The following SFSWAP variants were observed in gnomAD, a reference collection of about 807,000 sequenced individuals.
The protein encoded by SFSWAP is splicing factor, suppressor of white-apricot homolog.
In SFSWAP, 17 loss-of-function variants were observed where a neutral mutation model predicts 100.7. The observed-to-expected ratio is 0.17, with a 90% confidence interval of 0.12 to 0.25. SFSWAP has a LOEUF of 0.25. Among genes scored for constraint, SFSWAP ranks in the 10% least tolerant of loss-of-function variants. The pLI, the probability that SFSWAP is intolerant of heterozygous loss-of-function variation, is 1.00. For synonymous variants in SFSWAP, 504 were observed against 510.1 expected (o/e 0.99, Z 0.16); for missense variants, 1,005 against 1,262.6 (o/e 0.80, Z 3.09).
chr12:131,763,842 T>C (rs1327602259), intron 11 of SFSWAP, among the ~76,000 whole-genome samples: 2 of 149,242 alleles, frequency 1.3e-5, no homozygotes, highest in African/African-American at 5.0e-5. Context: ...TAAAGAAAAA[T>C]GAGGCCGGGC....
At chr12:131,768,850 G>A (rs1027079331) in intron 13 of SFSWAP, among the ~76,000 whole-genome samples, 1 of 152,190 alleles carries the variant, frequency 6.6e-6, no homozygotes, top group Non-Finnish European at 1.5e-5. Flanking sequence ...TTGGCTGGAC[G>A]TGGTGGCTCA....
intron 11 of SFSWAP, 192 bp downstream of exon 11, chr12:131,756,836 C>T (rs950906367): frequency 1.9e-5 from 11 of 581,060 alleles, no homozygotes; most frequent in African/African-American, 3.7e-5. Context: ...TTGGAGGTAA[C>T]GTGAGTGTGA....
chr12:131,764,922 CTG>C (rs1346697391), intron 12 of SFSWAP, among the ~76,000 whole-genome samples: 1 of 152,236 alleles, frequency 6.6e-6, no homozygotes, highest in Non-Finnish European at 1.5e-5. Flanking sequence ...TTCGAAGAAA[CTG>C]AGTTGGCCGT....
chr12:131,799,080 G>A lies in SFSWAP; in HGVS notation c.2761G>A (p.Val921Ile), dbSNP rs1593204153. ...AGAAGCCCAGATCTCTTCAGCAATCGTTTCTTCCGTGCAGAGCAAAATCAC... is the reference window on the plus strand; with the variant it reads ...AGAAGCCCAGATCTCTTCAGCAATCATTTCTTCCGTGCAGAGCAAAATCAC... ...EKEAQISSAIVSSVQSKITQD... is the reference protein window; with the variant it reads ...EKEAQISSAIISSVQSKITQD... Residue 921 changes from valine to isoleucine, a missense_variant, in exon 17 of 18, where the codon GTT becomes ATT. Val to Ile is a conservative substitution (Grantham distance 29). This residue lies in a region of SFSWAP where 295 missense variants were observed against 347.9 expected (regional missense o/e 0.85). Coordinates refer to ENST00000261674, the MANE Select transcript of SFSWAP (RefSeq NM_004592.4). 2 of 1,614,116 alleles carry A rather than the reference G, an allele frequency of 1.2e-6. No individual in the cohort carries two copies. Among genetic ancestry groups the A allele is most frequent in the South Asian group, 1.1e-5 (1 of 91,084 alleles).
rs766520889 is a variant in SFSWAP, at chr12:131,725,390, T to C, written c.607-15T>C. The stretch of plus-strand genomic sequence containing the variant: ...AGGACAAATGGGTGACGTGAATATG[T>C]GTGTTTTCCCGTAGCCACCAACCGC... On this transcript the variant is annotated splice_polypyrimidine_tract_variant and intron_variant, in intron 4 of 17. Coordinates refer to ENST00000261674, the MANE Select transcript of SFSWAP (RefSeq NM_004592.4). The surrounding 1 kb of genome is among the most constrained non-coding windows in gnomAD (Gnocchi z 4.3). The C allele has an allele frequency of 1.3e-6, 2 of 1,514,772 alleles. No individual in the cohort carries two copies. Among genetic ancestry groups the C allele is most frequent in the Non-Finnish European group, 8.9e-7 (1 of 1,124,328 alleles). The allele number at this position is 1,514,772 out of a possible 1,614,324, so 93.8% of individuals were successfully genotyped here.
At chr12:131,772,303 G>A (rs1057515087) in intron 13 of SFSWAP, among the ~76,000 whole-genome samples, 5 of 152,158 alleles carry the variant, frequency 3.3e-5, no homozygotes, top group Non-Finnish European at 4.4e-5. Context: ...CCCGTTGATC[G>A]TTAGGAAAGG....
intron 15 of SFSWAP, among the ~76,000 whole-genome samples, chr12:131,790,320 A>G (rs2136275769): frequency 6.6e-6 from 1 of 152,306 alleles, no homozygotes; most frequent in East Asian, 1.9e-4. Context: ...AAGATGTTCC[A>G]GGTTTACTGG....
chr12:131,726,072 A>G (rs1878936350), intron 5 of SFSWAP, among the ~76,000 whole-genome samples: 1 of 152,182 alleles, frequency 6.6e-6, no homozygotes, highest in African/African-American at 2.4e-5. Context: ...TATTATTTTT[A>G]TAACAGTGTC....
At chr12:131,721,522 G>A (rs1878475662) in intron 4 of SFSWAP, among the ~76,000 whole-genome samples, 2 of 152,256 alleles carry the variant, frequency 1.3e-5, no homozygotes, top group African/African-American at 4.8e-5. Flanking sequence ...AATGCTAAGT[G>A]CTCCATCTCT....
In SFSWAP at chr12:131,756,387, T is replaced by G. The variant is rs1882159027; in HGVS notation, c.1549-86T>G. The G allele has an allele frequency of 5.1e-6, 6 of 1,182,194 alleles. No individual in the cohort carries two copies. The African/African-American group carries it at 9.8e-5, about 19-fold the overall frequency. 73.2% of individuals were successfully genotyped at this position (1,182,194 alleles called of 1,614,324 possible). Reference sequence around the variant, plus strand: ...GTAATGTACAATTGCCGTTGTCCAGTGAAACATATACCGTATACATCTCTC... The same window carrying G: ...GTAATGTACAATTGCCGTTGTCCAGGGAAACATATACCGTATACATCTCTC... On this transcript the variant is annotated intron_variant, in intron 10 of 17. Transcript: ENST00000261674.
In SFSWAP at chr12:131,769,752, G is replaced by A. The variant is rs905445715; in HGVS notation, c.2142+3444G>A. Among the ~76,000 whole-genome samples, 7 of 152,072 alleles carry A rather than the reference G, an allele frequency of 4.6e-5. No individual in the cohort carries two copies. In the East Asian group the frequency reaches 7.7e-4, roughly 17 times the overall value. ...CACCATTCTCCTGCCTCAGCCTCCC[G>A]AGTAGCTGGGACTACAGGCACCCGC... On this transcript the variant is annotated intron_variant, in intron 13 of 17. Transcript: ENST00000261674.
At chr12:131,751,599 TC>T (rs528856730) in intron 7 of SFSWAP, among the ~76,000 whole-genome samples, 377 of 152,324 alleles carry the variant, frequency 2.5e-3, no homozygotes, top group South Asian at 4.6e-3. Flanking sequence ...AAGCAGCAGC[TC>T]CCCCCTTCCA....
In SFSWAP at chr12:131,725,775, G is replaced by A; in HGVS notation, c.832+145G>A. ...AGACTCGAATTTCTAGAATGTGTCTGAAATCCTGCAGCTAAGGCGTGATCG... is the reference window on the plus strand; with the variant it reads ...AGACTCGAATTTCTAGAATGTGTCTAAAATCCTGCAGCTAAGGCGTGATCG... On this transcript the variant is annotated intron_variant, in intron 5 of 17. Transcript: ENST00000261674. This position sits in a 1 kb window ranked among gnomAD's most constrained non-coding sequence, Gnocchi z 4.3. The A allele has an allele frequency of 1.1e-5, 7 of 653,718 alleles. No homozygotes were observed. In the South Asian group the frequency reaches 1.3e-4, roughly 12 times the overall value. 40.5% of individuals were successfully genotyped at this position (653,718 alleles called of 1,614,324 possible).
At position 131,753,325 on chromosome 12, in the gene SFSWAP, G is replaced by A. The variant is rs779797222; in HGVS notation, c.1284G>A (p.Glu428=). The change falls in exon 8 of 18, where the codon GAG becomes GAA. Residue 428 remains glutamate (E), a synonymous_variant. Transcript: ENST00000261674. ...TTPLPPPTTA[E]TSSGATSTTT... ...CACTACCGCCCCCAACCACAGCAGAGACTAGCAGCGGGGCCACCTCCACAA... is the reference window on the plus strand; with the variant it reads ...CACTACCGCCCCCAACCACAGCAGAAACTAGCAGCGGGGCCACCTCCACAA... 8.7e-6 allele frequency: 14 copies of A among 1,612,518 alleles called. No homozygotes were observed. Among genetic ancestry groups the A allele is most frequent in the Non-Finnish European group, 1.2e-5 (14 of 1,178,598 alleles).
At chr12:131,768,794 T>C (rs918014564) in intron 13 of SFSWAP, among the ~76,000 whole-genome samples, 4 of 152,212 alleles carry the variant, frequency 2.6e-5, no homozygotes, top group Non-Finnish European at 5.9e-5. Context: ...TTCAGCCAGT[T>C]ATGGCCGAAG....
At chr12:131,739,750 A>G (rs1013724882) in intron 7 of SFSWAP, among the ~76,000 whole-genome samples, 6 of 151,762 alleles carry the variant, frequency 4.0e-5, no homozygotes, top group Non-Finnish European at 7.4e-5. Context: ...TCACTGTACT[A>G]GCCAGGATGG....
intron 13 of SFSWAP, among the ~76,000 whole-genome samples, chr12:131,766,573 A>C (rs1461786642): frequency 6.6e-6 from 1 of 152,200 alleles, no homozygotes; most frequent in Non-Finnish European, 1.5e-5. Context: ...GGCTGCCCTT[A>C]TGGGGCTGGC....
Position 131,727,032 on chromosome 12 carries a change from C to T in SFSWAP, c.925C>T (p.Arg309Cys), listed in dbSNP as rs764935864. The T allele has an allele frequency of 5.7e-6, 9 of 1,590,774 alleles. No individual in the cohort carries two copies. In the South Asian group the frequency reaches 6.8e-5, roughly 12 times the overall value. ...PSLFASKKCN[R>C]LEELMKPLKV... ...TCTCTTTGCCTCCAAGAAGTGTAACCGCCTTGAAGAGCTGATGAAGGTTTT... is the reference window on the plus strand; with the variant it reads ...TCTCTTTGCCTCCAAGAAGTGTAACTGCCTTGAAGAGCTGATGAAGGTTTT... The change falls in exon 6 of 18, where the codon CGC becomes TGC. Residue 309 changes from arginine (R) to cysteine (C), a missense_variant. Arg to Cys is a radical substitution (Grantham distance 180). Around this residue, in one of 7 missense-constraint regions of SFSWAP, gnomAD observed 22 missense variants for 52.6 expected, o/e 0.42. Transcript: ENST00000261674.
Position 131,714,936 on chromosome 12 carries a change from A to G in SFSWAP, c.503A>G (p.Glu168Gly), listed in dbSNP as rs1035867505. 1 of 1,613,896 alleles carries G rather than the reference A, an allele frequency of 6.2e-7. No individual in the cohort carries two copies. Among genetic ancestry groups the G allele is most frequent in the African/African-American group, 1.3e-5 (1 of 74,900 alleles). The change falls in exon 3 of 18, where the codon GAG becomes GGG. Residue 168 changes from glutamate to glycine, a missense_variant. By Grantham distance (98) the Glu-to-Gly change is moderately conservative. Around this residue, in one of 7 missense-constraint regions of SFSWAP, gnomAD observed 237 missense variants for 337.0 expected, o/e 0.70. Transcript: ENST00000261674. The surrounding 1 kb of genome is among the most constrained non-coding windows in gnomAD (Gnocchi z 6.0). ...YDPSEPTEEE[E>G]PSKQREKNEA... The stretch of plus-strand genomic sequence containing the variant: ...CCGTCAGAGCCGACGGAGGAGGAGG[A>G]GCCTTCCAAACAGAGAGGTGAGTGG...
Sources: allele counts gnomAD v4.1 joint callset (sites outside exome capture counted in the v4.1 genomes callset), GRCh38; gene constraint gnomAD v4.1.1; regional missense constraint gnomAD v4.1.1; non-coding constraint Gnocchi (gnomAD v3.1); transcripts MANE v1.5; gene names NCBI Gene and HGNC (gene_info 2026-07-23, HGNC 2026-07-21).